The following RAPGEF2 variants were observed in gnomAD, a reference collection of about 807,000 sequenced individuals.
The protein encoded by RAPGEF2 is PDZ domain containing guanine nucleotide exchange factor (GEF) 1.
A neutral mutation model predicts 186.7 loss-of-function variants in RAPGEF2; 54 were observed. That is an observed-to-expected ratio of 0.29 (90% confidence interval 0.23 to 0.36). The LOEUF is 0.36. Among genes scored for constraint, RAPGEF2 ranks in the 10% least tolerant of loss-of-function variants. The probability of loss-of-function intolerance (pLI) is 1.00; values close to 1 mark genes in which losing one functional copy is unlikely to be tolerated. For missense variants in RAPGEF2, 1,532 were observed against 2,045.0 expected (o/e 0.75, Z 4.84); for synonymous variants, 712 against 705.9 (o/e 1.01, Z -0.14).
chr4:159,147,504 T>G (rs984169044), intron 1 of RAPGEF2, among the ~76,000 whole-genome samples: 1 of 152,158 alleles, frequency 6.6e-6, no homozygotes, highest in Non-Finnish European at 1.5e-5. Flanking sequence ...CAGAGGTATA[T>G]TGCAGCATTG....
chr4:159,109,947 T>C (rs1272821482), intron 1 of RAPGEF2, among the ~76,000 whole-genome samples: 1 of 152,176 alleles, frequency 6.6e-6, no homozygotes, highest in Non-Finnish European at 1.5e-5. Flanking sequence ...AGAGTTCTGT[T>C]AAAGACTGAT....
chr4:159,280,586 T>A (rs1282889323), intron 7 of RAPGEF2, among the ~76,000 whole-genome samples: 1 of 152,192 alleles, frequency 6.6e-6, no homozygotes, highest in Non-Finnish European at 1.5e-5. Context: ...ATTACTCCTT[T>A]CTCTGTATTG....
chr4:159,243,648 T>G (rs1754272633), intron 6 of RAPGEF2, 126 bp from the exon 7 acceptor site: 1 of 582,468 alleles, frequency 1.7e-6, no homozygotes, highest in African/African-American at 1.9e-5. Flanking sequence ...TATAGCTGAT[T>G]CTATATGATC....
chr4:159,170,773 T>G (rs963277090), intron 1 of RAPGEF2, among the ~76,000 whole-genome samples: 8 of 152,216 alleles, frequency 5.3e-5, no homozygotes, highest in African/African-American at 1.9e-4. Flanking sequence ...TCCAGAAAAT[T>G]ATTGCCTGTA....
rs550033140 is a variant in RAPGEF2 at position 159,216,338 on chromosome 4, A to G, written c.281+5755A>G. Among the ~76,000 whole-genome samples, 3 of 152,348 alleles carry G rather than the reference A, an allele frequency of 2.0e-5. No individual in the cohort carries two copies. In the East Asian group the frequency reaches 5.8e-4, roughly 29 times the overall value. On this transcript the variant is annotated intron_variant, in intron 4 of 29. Transcript: ENST00000691494. Reference sequence around the variant, plus strand: ...TAAATTGACATGGCAAAGACCATACAGAATGCAAAATCATTTCAAAGATGG... The same window carrying G: ...TAAATTGACATGGCAAAGACCATACGGAATGCAAAATCATTTCAAAGATGG...
At chr4:159,281,498 C>T (rs1759697236) in intron 7 of RAPGEF2, among the ~76,000 whole-genome samples, 1 of 151,366 alleles carries the variant, frequency 6.6e-6, no homozygotes, top group Non-Finnish European at 1.5e-5. Flanking sequence ...GGTGAAACCC[C>T]TTCTCTACTT....
rs1014181734 is a variant in RAPGEF2, at chr4:159,229,102, A to G, written c.282-9707A>G. 2.6e-5 allele frequency among the ~76,000 whole-genome samples: 4 copies of G among 152,220 alleles called. No individual in the cohort carries two copies. In the South Asian group the frequency reaches 8.3e-4, roughly 32 times the overall value. ...TTTAAGGAAGAAAATAAAATGTAGT[A>G]ACTGCCTATCATTTTCTGGAAACAG... On this transcript the variant is annotated intron_variant, in intron 4 of 29. Transcript: ENST00000691494.
At chr4:159,295,779 A>T (rs1378159623) in intron 7 of RAPGEF2, among the ~76,000 whole-genome samples, 1 of 149,718 alleles carries the variant, frequency 6.7e-6, no homozygotes, top group Non-Finnish European at 1.5e-5. Context: ...GCGCGCATGC[A>T]CATAATGTTT....
At chr4:159,104,527 G>GAGACAGAGAGAGAGA (rs1560964822) in intron 1 of RAPGEF2, among the ~76,000 whole-genome samples, 1 of 88,444 alleles carries the variant, frequency 1.1e-5, no homozygotes, top group East Asian at 3.9e-4. Context: ...AGAGAGAGAG[G>GAGACAGAGAGAGAGA]GAGAGACAGA....
chr4:159,230,852 TAAG>T (rs1752554120), intron 4 of RAPGEF2, among the ~76,000 whole-genome samples: 3 of 152,154 alleles, frequency 2.0e-5, no homozygotes, highest in African/African-American at 4.8e-5. Flanking sequence ...ATAAACTACT[TAAG>T]AAGAGGGACT....
chr4:159,262,341 C>A (rs934455911), intron 7 of RAPGEF2, among the ~76,000 whole-genome samples: 1 of 152,088 alleles, frequency 6.6e-6, no homozygotes, highest in African/African-American at 2.4e-5. Flanking sequence ...ATATTACAGT[C>A]AAATTAGTAA....
At chr4:159,326,937 A>C (rs1408252629) in intron 11 of RAPGEF2, 2 of 152,334 alleles carry the variant, frequency 1.3e-5, no homozygotes, top group African/African-American at 4.8e-5. Flanking sequence ...ACCCATGTGC[A>C]CAATTAGGTA....
intron 4 of RAPGEF2, among the ~76,000 whole-genome samples, chr4:159,231,774 A>G (rs962255368): frequency 1.3e-5 from 2 of 152,182 alleles, no homozygotes; most frequent in African/African-American, 4.8e-5. Context: ...ATATATGTGC[A>G]AATATTCCCA....
At chr4:159,169,574 T>A (rs1745681706) in intron 1 of RAPGEF2, among the ~76,000 whole-genome samples, 2 of 151,932 alleles carry the variant, frequency 1.3e-5, no homozygotes, top group Admixed American at 6.6e-5. Flanking sequence ...GATCAACATC[T>A]CCCCAACAGC....
intron 2 of RAPGEF2, among the ~76,000 whole-genome samples, chr4:159,190,784 G>C (rs1237489014): frequency 6.6e-6 from 1 of 152,150 alleles, no homozygotes; most frequent in Non-Finnish European, 1.5e-5. Flanking sequence ...GAACAGGACT[G>C]GGGGAACCAG....
intron 7 of RAPGEF2, among the ~76,000 whole-genome samples, chr4:159,301,702 T>A (rs922719735): frequency 1.3e-5 from 2 of 151,982 alleles, no homozygotes; most frequent in Admixed American, 6.6e-5. Flanking sequence ...CTACAAAAAA[T>A]TTTAAAATTA....
intron 10 of RAPGEF2, 99 bp downstream of exon 10, chr4:159,322,582 C>A: frequency 2.1e-6 from 2 of 946,456 alleles, no homozygotes; most frequent in Admixed American, 2.2e-5. Context: ...CTTTTTAATA[C>A]CCAACAACAG....
At chr4:159,200,744 T>G (rs913613487) in intron 3 of RAPGEF2, among the ~76,000 whole-genome samples, 2 of 152,146 alleles carry the variant, frequency 1.3e-5, no homozygotes, top group African/African-American at 4.8e-5. Context: ...GGATTTTTTT[T>G]GAAAATCTTA....
intron 29 of RAPGEF2, among the ~76,000 whole-genome samples, 156 bp from the exon 30 acceptor site, chr4:159,357,958 A>G (rs1732280404): frequency 6.6e-6 from 1 of 151,968 alleles, no homozygotes; most frequent in Non-Finnish European, 1.5e-5. Context: ...GTTGTTCGTC[A>G]TTGTTTAGGA....
Sources: gnomAD v4.1 joint callset for allele counts (sites outside exome capture counted in the v4.1 genomes callset) on GRCh38, gnomAD v4.1.1 for gene constraint, MANE v1.5 for transcripts, NCBI Gene and HGNC (gene_info 2026-07-23, HGNC 2026-07-21) for gene names.